IGSF3: variants seen among roughly 807,000 people sequenced by gnomAD.
IGSF3 encodes immunoglobulin superfamily member 3.
Under a neutral mutation model 114.4 loss-of-function variants are expected in IGSF3, and 23 were observed. The ratio of observed to expected loss-of-function variants is 0.20; its 90% CI spans 0.14 to 0.28. The LOEUF is 0.28. IGSF3 is among the 10% of genes least tolerant of loss of function. The pLI is 1.00. For synonymous variants in IGSF3, 571 were observed against 645.2 expected (o/e 0.88, Z 1.74); for missense variants, 1,172 against 1,591.5 (o/e 0.74, Z 4.48).
chr1:116,636,974 T>TA lies in IGSF3; in HGVS notation c.44-20518dup, dbSNP rs1369455010. Among the ~76,000 whole-genome samples the TA allele has an allele frequency of 6.6e-6, 1 of 152,208 alleles. No homozygotes were observed. Among genetic ancestry groups the TA allele is most frequent in the Non-Finnish European group, 1.5e-5 (1 of 68,036 alleles). ...ATCAGGGCATTTTATCTAGAAATTA[T>TA]AAAAAATTGTTGGGGGAGTACATTT... On this transcript the variant is annotated intron_variant, in intron 2 of 10. Coordinates refer to ENST00000369486, the MANE Select transcript of IGSF3 (RefSeq NM_001007237.3). This position sits in a 1 kb window ranked among gnomAD's most constrained non-coding sequence, Gnocchi z 4.5.
At position 116,657,371 on chromosome 1, in the gene IGSF3, G is replaced by C. The variant is rs1648904232; in HGVS notation, c.43+8913C>G. Among the ~76,000 whole-genome samples, 8 of 152,288 alleles carry C rather than the reference G, an allele frequency of 5.3e-5. No homozygotes were observed. The highest frequency in any genetic ancestry group is 3.4e-3 in the Middle Eastern group (1 of 294). ...CCTAAGGCCCAAAGCAGCACATGGG[G>C]TTGGGAAGCTGACGACCTTAGAGAT... On this transcript the variant is annotated intron_variant, in intron 2 of 10. Transcript: ENST00000369486. The surrounding 1 kb of genome is among the most constrained non-coding windows in gnomAD (Gnocchi z 4.2).
intron 2 of IGSF3, among the ~76,000 whole-genome samples, chr1:116,646,441 CT>C (rs1339327820): frequency 5.3e-4 from 81 of 152,214 alleles, no homozygotes; most frequent in Admixed American, 5.3e-3. Context: ...TCTAATTTTA[CT>C]CCAAAAGTTC....
At chr1:116,667,528 CTCCCCG>C (rs1649391115) in intron 1 of IGSF3, 84 bp downstream of exon 1, 14 of 115,256 alleles carry the variant, frequency 1.2e-4, no homozygotes, top group South Asian at 8.3e-4. Context: ...CCGCTCCCCA[CTCCCCG>C]CTCCCCGCTC....
Position 116,577,605 on chromosome 1 carries a change from A to G in IGSF3, c.3335-43T>C. The G allele has an allele frequency of 1.3e-6, 2 of 1,598,198 alleles. No individual in the cohort carries two copies. The highest frequency in any genetic ancestry group is 1.7e-6 in the Non-Finnish European group (2 of 1,171,176). Reference sequence around the variant, plus strand: ...AGAGACAAGACAATGAGGGCTGAGAACCTGGACTGCTCACATTTCCTTTTG... The same window carrying G: ...AGAGACAAGACAATGAGGGCTGAGAGCCTGGACTGCTCACATTTCCTTTTG... On this transcript the variant is annotated intron_variant, in intron 10 of 10. Transcript: ENST00000369486. The surrounding 1 kb of genome is among the most constrained non-coding windows in gnomAD (Gnocchi z 5.7).
rs551527195 is a variant in IGSF3 at position 116,640,619 on chromosome 1, G to A, written c.44-24162C>T. The stretch of plus-strand genomic sequence containing the variant: ...CCTTGTTGACATATGTCACTCCAGG[G>A]CATTCATTTCAACTGCTTTATACCA... On this transcript the variant is annotated intron_variant, in intron 2 of 10. Coordinates refer to ENST00000369486, the MANE Select transcript of IGSF3 (RefSeq NM_001007237.3). 1.6e-4 allele frequency among the ~76,000 whole-genome samples: 25 copies of A among 152,188 alleles called. No individual in the cohort carries two copies. The South Asian group carries it at 5.2e-3, about 32-fold the overall frequency.
At position 116,634,679 on chromosome 1, in the gene IGSF3, T is replaced by C. The variant is rs1157349150; in HGVS notation, c.44-18222A>G. Among the ~76,000 whole-genome samples the C allele has an allele frequency of 1.3e-5, 2 of 152,190 alleles. No individual in the cohort carries two copies. On this transcript the variant is annotated intron_variant, in intron 2 of 10. Coordinates refer to ENST00000369486, the MANE Select transcript of IGSF3 (RefSeq NM_001007237.3). This position sits in a 1 kb window ranked among gnomAD's most constrained non-coding sequence, Gnocchi z 4.2. ...ATGACATCTCCCGTGCCTGCTCTGC[T>C]TACCCATGGCTTTGACACTCCTTCC...
At position 116,627,082 on chromosome 1, in the gene IGSF3, C is replaced by T. The variant is rs953551778; in HGVS notation, c.44-10625G>A. On this transcript the variant is annotated intron_variant, in intron 2 of 10. Transcript: ENST00000369486. The surrounding 1 kb of genome is among the most constrained non-coding windows in gnomAD (Gnocchi z 4.7). ...ATGTTCTCCCTGTAATTACTCTGAC[C>T]GCTCTTTCTTTCCGTCCGGTTTTGG... Among the ~76,000 whole-genome samples, 3 of 152,102 alleles carry T rather than the reference C, an allele frequency of 2.0e-5. No individual in the cohort carries two copies. The highest frequency in any genetic ancestry group is 2.1e-4 in the South Asian group (1 of 4,828).
chr1:116,617,058 T>C (rs1661247926), intron 2 of IGSF3, among the ~76,000 whole-genome samples: 1 of 152,140 alleles, frequency 6.6e-6, no homozygotes, highest in Non-Finnish European at 1.5e-5. Context: ...TGCAGGCTGC[T>C]ATCGTTTTAA....
In IGSF3 at chr1:116,579,146, A is replaced by G. The variant is rs184357267; in HGVS notation, c.3334+246T>C. On this transcript the variant is annotated intron_variant, in intron 10 of 10. Transcript: ENST00000369486. This position sits in a 1 kb window ranked among gnomAD's most constrained non-coding sequence, Gnocchi z 6.4. ...TTACTAAAATTGAATCTGGTAGAACATCGAGTTTATTATAAAGATTATATG... is the reference window on the plus strand; with the variant it reads ...TTACTAAAATTGAATCTGGTAGAACGTCGAGTTTATTATAAAGATTATATG... 7.3e-4 allele frequency among the ~76,000 whole-genome samples: 111 copies of G among 152,344 alleles called. No homozygotes were observed. Among genetic ancestry groups the G allele is most frequent in the African/African-American group, 2.4e-3 (99 of 41,576 alleles).
rs768858458 is a variant in IGSF3 at position 116,614,123 on chromosome 1, C to T, written c.474G>A (p.Val158=). The change falls in exon 4 of 11, where the codon GTG becomes GTA. Residue 158 remains valine, a synonymous_variant. Transcript: ENST00000369486. The surrounding 1 kb of genome is among the most constrained non-coding windows in gnomAD (Gnocchi z 4.5). The part of the protein sequence containing the change: ...TTAMPQTLHR[V]EQDPLELTCE... Reference sequence around the variant, plus strand: ...AAGTGAGCTCCAGCGGGTCCTGCTCCACTCTGTGCAGAGTCTGGGGCATGG... The same window carrying T: ...AAGTGAGCTCCAGCGGGTCCTGCTCTACTCTGTGCAGAGTCTGGGGCATGG... 4 of 1,613,674 alleles carry T rather than the reference C, an allele frequency of 2.5e-6. No homozygotes were observed. The highest frequency in any genetic ancestry group is 2.2e-5 in the East Asian group (1 of 44,900).
At chr1:116,617,222 C>T (rs1283551060) in intron 2 of IGSF3, 25 of 910,236 alleles carry the variant, frequency 2.7e-5, no homozygotes, top group East Asian at 1.2e-4. Context: ...AAGACTCCCC[C>T]GCTGACCTCC....
rs969848984 is a variant in IGSF3, at chr1:116,576,865, G to A, written c.*447C>T. The A allele has an allele frequency of 6.4e-6, 1 of 156,032 alleles. No individual in the cohort carries two copies. The highest frequency in any genetic ancestry group is 1.4e-5 in the Non-Finnish European group (1 of 70,204). 9.7% of individuals were successfully genotyped at this position (156,032 alleles called of 1,614,324 possible). A position where few individuals can be genotyped will look rare whatever the true frequency, so the allele number is the denominator to read the frequency against. Reference sequence around the variant, plus strand: ...AACAAAGTCTTGGAAGAGATTCCTTGTCACTAGAAAGTTCGCCCTTCCTTT... The same window carrying A: ...AACAAAGTCTTGGAAGAGATTCCTTATCACTAGAAAGTTCGCCCTTCCTTT... On this transcript the variant is annotated 3_prime_UTR_variant, in exon 11 of 11. Coordinates refer to ENST00000369486, the MANE Select transcript of IGSF3 (RefSeq NM_001007237.3). The surrounding 1 kb of genome is among the most constrained non-coding windows in gnomAD (Gnocchi z 4.6).
chr1:116,646,063 T>C (rs184894024), intron 2 of IGSF3, among the ~76,000 whole-genome samples: 1 of 152,342 alleles, frequency 6.6e-6, no homozygotes, highest in East Asian at 1.9e-4. Flanking sequence ...GGCCTCTCAC[T>C]TCCTCTACCC....
chr1:116,630,872 C>T (rs1209428064), intron 2 of IGSF3, among the ~76,000 whole-genome samples: 1 of 152,126 alleles, frequency 6.6e-6, no homozygotes, highest in Non-Finnish European at 1.5e-5. Context: ...GAGAGCAGCT[C>T]GAATCTATGC....
chr1:116,599,869 G>T, intron 7 of IGSF3, 72 bp downstream of exon 7: 1 of 1,396,364 alleles, frequency 7.2e-7, no homozygotes, highest in Non-Finnish European at 9.8e-7. Flanking sequence ...AGGGCTCCAC[G>T]CACACCTTTC....
intron 2 of IGSF3, among the ~76,000 whole-genome samples, chr1:116,641,297 G>C (rs1648085069): frequency 6.6e-6 from 1 of 152,008 alleles, no homozygotes; most frequent in Non-Finnish European, 1.5e-5. Context: ...AGGAATTAAA[G>C]ACCAGCTGGT....
At position 116,616,117 on chromosome 1, in the gene IGSF3, T is replaced by C. The variant is rs373856767; in HGVS notation, c.384A>G (p.Gln128=). The C allele has an allele frequency of 2.8e-5, 45 of 1,609,998 alleles. No homozygotes were observed. The highest frequency in any genetic ancestry group is 2.5e-4 in the South Asian group (23 of 91,020). ...TCTTTGCACTGTAACTCCCAAAGTA[T>C]TGCTTATCAGTGCTGGGTGTGTGGC... is the stretch of plus-strand genomic sequence containing the variant. ...YECHTPSTDK[Q]YFGSYSAKMN... is the part of the protein sequence containing the mutation. Residue 128 remains glutamine, a synonymous_variant, in exon 3 of 11, where the codon CAA becomes CAG. Coordinates refer to ENST00000369486, the MANE Select transcript of IGSF3 (RefSeq NM_001007237.3). The surrounding 1 kb of genome is among the most constrained non-coding windows in gnomAD (Gnocchi z 6.6).
chr1:116,588,567 T>G lies in IGSF3; in HGVS notation c.2440+127A>C. On this transcript the variant is annotated intron_variant, in intron 8 of 10. Coordinates refer to ENST00000369486, the MANE Select transcript of IGSF3 (RefSeq NM_001007237.3). The surrounding 1 kb of genome is among the most constrained non-coding windows in gnomAD (Gnocchi z 4.9). Reference sequence around the variant, plus strand: ...GTGCTAGGGTGATGGTCCGTGTACCTGCACCCATACTCAGCATGCACCTTG... The same window carrying G: ...GTGCTAGGGTGATGGTCCGTGTACCGGCACCCATACTCAGCATGCACCTTG... 1.2e-6 allele frequency: 1 copy of G among 850,274 alleles called. No individual in the cohort carries two copies. Among genetic ancestry groups the G allele is most frequent in the Non-Finnish European group, 1.8e-6 (1 of 550,272 alleles). The allele number at this position is 850,274 out of a possible 1,614,324, so 52.7% of individuals were successfully genotyped here.
At chr1:116,646,359 A>C (rs1343849220) in intron 2 of IGSF3, among the ~76,000 whole-genome samples, 1 of 152,168 alleles carries the variant, frequency 6.6e-6, no homozygotes. Flanking sequence ...GTCCACACAA[A>C]GAGGATGGAT....
Sources: gnomAD v4.1 joint callset for allele counts (sites outside exome capture counted in the v4.1 genomes callset) on GRCh38, gnomAD v4.1.1 for gene constraint, Gnocchi (gnomAD v3.1) non-coding constraint, MANE v1.5 for transcripts, NCBI Gene and HGNC (gene_info 2026-07-23, HGNC 2026-07-21) for gene names.